The following LPP variants were observed in gnomAD, a reference collection of about 807,000 sequenced individuals.
LPP encodes LIM domain containing preferred translocation partner in lipoma.
Under a neutral mutation model 60.4 loss-of-function variants are expected in LPP, and 38 were observed. The ratio of observed to expected loss-of-function variants is 0.63; its 90% CI spans 0.49 to 0.83. LPP has a LOEUF of 0.83. Among genes scored for constraint, LPP ranks in the 40% least tolerant of loss-of-function variants. LPP has a pLI of 0.00. For missense variants in LPP, 902 were observed against 783.6 expected, an observed-to-expected ratio of 1.15 and a Z score of -1.80; for synonymous variants, 328 against 290.8, an observed-to-expected ratio of 1.13 and a Z score of -1.30.
intron 5 of LPP, among the ~76,000 whole-genome samples, chr3:188,504,470 G>A (rs1469647757): frequency 3.9e-5 from 6 of 152,056 alleles, no homozygotes; most frequent in African/African-American, 7.2e-5. Context: ...TGAATAGACC[G>A]TGCTATCCTG....
chr3:188,597,563 C>T (rs1034599444), intron 6 of LPP, among the ~76,000 whole-genome samples: 11 of 152,196 alleles, frequency 7.2e-5, no homozygotes, highest in African/African-American at 2.6e-4. Context: ...TGTCCTGCTA[C>T]CTACAGCTAA....
chr3:188,830,520 G>A (rs13073967), intron 9 of LPP, among the ~76,000 whole-genome samples: 18,193 of 151,680 alleles, frequency 0.12, 1,560 homozygotes, highest in Non-Finnish European at 0.18. Flanking sequence ...CAGGAGAATC[G>A]CTTGAACCTG....
chr3:188,659,354 A>G (rs558238536), intron 7 of LPP, among the ~76,000 whole-genome samples: 27 of 152,258 alleles, frequency 1.8e-4, no homozygotes, highest in Non-Finnish European at 3.5e-4. Context: ...TTTTATCAGA[A>G]CCTCAGTTTG....
intron 7 of LPP, among the ~76,000 whole-genome samples, chr3:188,704,699 G>T (rs775407757): frequency 1.1e-4 from 17 of 151,962 alleles, no homozygotes; most frequent in Non-Finnish European, 2.4e-4. Context: ...TATATTCCCC[G>T]TGGTCTGTGA....
chr3:188,318,925 A>AT (rs950142982), intron 2 of LPP, among the ~76,000 whole-genome samples: 8 of 150,504 alleles, frequency 5.3e-5, no homozygotes, highest in Admixed American at 4.7e-4. Context: ...CGCCCGGCTA[A>AT]TTTTTTGTAT....
chr3:188,240,600 A>G (rs73190778), intron 2 of LPP, among the ~76,000 whole-genome samples: 4 of 152,260 alleles, frequency 2.6e-5, no homozygotes, highest in Admixed American at 1.3e-4. Flanking sequence ...TAGTTAGGAT[A>G]TTAGACCAGC....
chr3:188,183,856 A>G (rs2148929740), intron 1 of LPP, among the ~76,000 whole-genome samples: 1 of 152,196 alleles, frequency 6.6e-6, no homozygotes, highest in African/African-American at 2.4e-5. Context: ...GTCGTACTAC[A>G]CTGCTTTCCT....
chr3:188,471,747 A>G (rs1051087742), intron 4 of LPP, among the ~76,000 whole-genome samples: 1 of 152,188 alleles, frequency 6.6e-6, no homozygotes, highest in African/African-American at 2.4e-5. Flanking sequence ...TTACTTATAA[A>G]TGGTGTATTT....
chr3:188,309,106 T>TGCCTCCC (rs1330642808), intron 2 of LPP, among the ~76,000 whole-genome samples: 5 of 150,112 alleles, frequency 3.3e-5, no homozygotes, highest in Non-Finnish European at 7.4e-5. Context: ...CTGCATCCTC[T>TGCCTCCC]GCCTCCCAGG....
intron 3 of LPP, among the ~76,000 whole-genome samples, chr3:188,378,229 A>G (rs1322070408): frequency 6.6e-6 from 1 of 152,132 alleles, no homozygotes; most frequent in African/African-American, 2.4e-5. Flanking sequence ...ACTCTCTTCA[A>G]AGCTGTCAGA....
intron 5 of LPP, among the ~76,000 whole-genome samples, chr3:188,515,833 A>T (rs932910086): frequency 2.0e-5 from 3 of 152,156 alleles, no homozygotes; most frequent in African/African-American, 7.2e-5. Flanking sequence ...TTTTGTTTTT[A>T]AATTTGTGTC....
rs1011282631 is a variant in LPP at position 188,363,695 on chromosome 3, A to G, written c.-10+21976A>G. Among the ~76,000 whole-genome samples, 27 of 152,246 alleles carry G rather than the reference A, an allele frequency of 1.8e-4. No individual in the cohort carries two copies. The South Asian group carries it at 2.9e-3, about 16-fold the overall frequency. On this transcript the variant is annotated intron_variant, in intron 3 of 11. Transcript: ENST00000617246. ...GCCAAGGCGGGCAGATCACGAGGTCAGGAGTTCAAGACCAGCCTGGCCAAC... is the reference window on the plus strand; with the variant it reads ...GCCAAGGCGGGCAGATCACGAGGTCGGGAGTTCAAGACCAGCCTGGCCAAC...
rs1220176050 is a variant in LPP, at chr3:188,866,165, T to C, written c.1411-35T>C. ...GTCATGCAGTATGGACCCCCTTCTG[T>C]CCCAGTCTGACGTGGTTTCTGTTTC... On this transcript the variant is annotated intron_variant, in intron 9 of 11. Transcript: ENST00000617246. 7.0e-6 allele frequency: 10 copies of C among 1,432,694 alleles called. No homozygotes were observed. In the South Asian group the frequency reaches 1.6e-4, roughly 23 times the overall value. 88.7% of individuals were successfully genotyped at this position (1,432,694 alleles called of 1,614,324 possible). A position where few individuals can be genotyped will look rare whatever the true frequency, so the allele number is the denominator to read the frequency against.
intron 8 of LPP, among the ~76,000 whole-genome samples, chr3:188,736,015 T>C (rs1722360785): frequency 2.0e-5 from 3 of 152,202 alleles, no homozygotes; most frequent in African/African-American, 7.2e-5. Context: ...ATTTTAAAAA[T>C]AAGAGTTGTG....
chr3:188,215,721 A>G (rs1713281290), intron 1 of LPP, among the ~76,000 whole-genome samples: 1 of 152,214 alleles, frequency 6.6e-6, no homozygotes, highest in Non-Finnish European at 1.5e-5. Context: ...GCAACCAGAG[A>G]CTTCAAAGGG....
chr3:188,367,232 GA>G (rs141268594), intron 3 of LPP, among the ~76,000 whole-genome samples: 4 of 147,402 alleles, frequency 2.7e-5, no homozygotes, highest in South Asian at 4.3e-4. Context: ...TGAATAGTTA[GA>G]AAAAAAAAAG....
intron 8 of LPP, among the ~76,000 whole-genome samples, chr3:188,719,283 A>T (rs1715361377): frequency 6.6e-6 from 1 of 152,124 alleles, no homozygotes; most frequent in South Asian, 2.1e-4. Context: ...ATTGGATTGG[A>T]TGGATAGGGC....
chr3:188,260,425 G>A (rs62291383), intron 2 of LPP, among the ~76,000 whole-genome samples: 74,483 of 151,690 alleles, frequency 0.49, 18,522 homozygotes, highest in Middle Eastern at 0.58. Context: ...CTTGGAGAAA[G>A]GAATTTGCCT....
chr3:188,618,387 C>CA (rs1845242019), intron 7 of LPP, among the ~76,000 whole-genome samples: 1 of 152,090 alleles, frequency 6.6e-6, no homozygotes, highest in South Asian at 2.1e-4. Flanking sequence ...ATTTACGAAA[C>CA]ACTCTCATAT....
Sources: gnomAD v4.1 joint callset for allele counts (sites outside exome capture counted in the v4.1 genomes callset) on GRCh38, gnomAD v4.1.1 for gene constraint, MANE v1.5 for transcripts, NCBI Gene and HGNC (gene_info 2026-07-23, HGNC 2026-07-21) for gene names.